LMX1B: variants seen among roughly 807,000 people sequenced by gnomAD.
The protein encoded by LMX1B is LIM homeobox transcription factor 1-beta.
Under a neutral mutation model 51.4 loss-of-function variants are expected in LMX1B, and 12 were observed. The ratio of observed to expected loss-of-function variants is 0.23; its 90% CI spans 0.15 to 0.38. LMX1B has a LOEUF of 0.38. Ranked by LOEUF, LMX1B falls within the 10% of genes least tolerant of loss-of-function variation. LMX1B has a pLI of 1.00. For synonymous variants in LMX1B, 237 were observed against 235.4 expected (o/e 1.01, Z -0.06); for missense variants, 445 against 571.1 (o/e 0.78, Z 2.25).
At chr9:126,630,711 C>T (rs1259746070) in intron 2 of LMX1B, among the ~76,000 whole-genome samples, 3 of 152,166 alleles carry the variant, frequency 2.0e-5, no homozygotes, top group Non-Finnish European at 4.4e-5. Context: ...GAGTACTTTG[C>T]AAATATATAG....
chr9:126,655,799 T>C (rs1240010781), intron 2 of LMX1B, among the ~76,000 whole-genome samples: 1 of 152,238 alleles, frequency 6.6e-6, no homozygotes, highest in African/African-American at 2.4e-5. Flanking sequence ...GTTTTTAGTA[T>C]GCTCACAAAG....
At chr9:126,657,465 G>A (rs972170900) in intron 2 of LMX1B, among the ~76,000 whole-genome samples, 1 of 152,204 alleles carries the variant, frequency 6.6e-6, no homozygotes, top group Non-Finnish European at 1.5e-5. Flanking sequence ...ATGGTGACAT[G>A]TTTCCAGGAT....
intron 2 of LMX1B, among the ~76,000 whole-genome samples, chr9:126,616,363 T>G (rs991569784): frequency 4.6e-5 from 7 of 152,220 alleles, no homozygotes; most frequent in Non-Finnish European, 1.5e-5. Flanking sequence ...GGTTGAGCCC[T>G]TCTTGCTAAC....
chr9:126,640,120 C>T (rs1456844070), intron 2 of LMX1B, among the ~76,000 whole-genome samples: 2 of 152,192 alleles, frequency 1.3e-5, no homozygotes, highest in East Asian at 1.9e-4. Flanking sequence ...GAGAACACCC[C>T]GTTGTATATA....
chr9:126,629,881 C>A (rs185553107), intron 2 of LMX1B, among the ~76,000 whole-genome samples: 19 of 151,832 alleles, frequency 1.3e-4, no homozygotes, highest in African/African-American at 4.6e-4. Context: ...TGTGGTGGCT[C>A]ATGCCTGTAA....
intron 2 of LMX1B, among the ~76,000 whole-genome samples, chr9:126,686,106 CG>C (rs1836761649): frequency 6.6e-6 from 1 of 151,856 alleles, no homozygotes; most frequent in African/African-American, 2.4e-5. Context: ...GGTGAAACCC[CG>C]TCTCTACTAA....
chr9:126,642,644 C>T (rs942490905), intron 2 of LMX1B, among the ~76,000 whole-genome samples: 1 of 152,206 alleles, frequency 6.6e-6, no homozygotes, highest in South Asian at 2.1e-4. Flanking sequence ...TGGGTGTTCC[C>T]GGAGGGTGGG....
chr9:126,618,775 TC>T lies in LMX1B; in HGVS notation c.326+3208del, dbSNP rs1835351385. Among the ~76,000 whole-genome samples, 2 of 152,202 alleles carry T rather than the reference TC, an allele frequency of 1.3e-5. No individual in the cohort carries two copies. On this transcript the variant is annotated intron_variant, in intron 2 of 7. Coordinates refer to ENST00000373474, the MANE Select transcript of LMX1B (RefSeq NM_001174147.2). The surrounding 1 kb of genome is among the most constrained non-coding windows in gnomAD (Gnocchi z 4.5). The stretch of plus-strand genomic sequence containing the variant: ...TTTTTATCCTGAAGAGGTGGAGAAT[TC>T]CTGGAGGAGGCTCCGGAAGGGGGGA...
In LMX1B at chr9:126,625,208, C is replaced by A. The variant is rs535066135; in HGVS notation, c.326+9639C>A. Among the ~76,000 whole-genome samples, 3 of 152,372 alleles carry A rather than the reference C, an allele frequency of 2.0e-5. No individual in the cohort carries two copies. The East Asian group carries it at 5.8e-4, about 29-fold the overall frequency. On this transcript the variant is annotated intron_variant, in intron 2 of 7. Transcript: ENST00000373474. The surrounding 1 kb of genome is among the most constrained non-coding windows in gnomAD (Gnocchi z 5.3). Reference sequence around the variant, plus strand: ...GAAGAGGGGGCTCCGGCCCTGTAGCCCCCTGACGCTTTTCGTTTCCGAGCG... The same window carrying A: ...GAAGAGGGGGCTCCGGCCCTGTAGCACCCTGACGCTTTTCGTTTCCGAGCG...
chr9:126,637,917 A>G (rs1323561855), intron 2 of LMX1B, among the ~76,000 whole-genome samples: 2 of 143,588 alleles, frequency 1.4e-5, no homozygotes, highest in African/African-American at 5.2e-5. Context: ...CTGTAGCCTC[A>G]GGGCCAAAGG....
chr9:126,624,449 G>A (rs1835480692), intron 2 of LMX1B, among the ~76,000 whole-genome samples: 2 of 152,188 alleles, frequency 1.3e-5, no homozygotes, highest in African/African-American at 2.4e-5. Context: ...CAGCAAGTTC[G>A]GGAGGTTTGT....
intron 2 of LMX1B, among the ~76,000 whole-genome samples, chr9:126,681,894 C>G (rs1032956560): frequency 1.3e-5 from 2 of 149,750 alleles, no homozygotes; most frequent in African/African-American, 2.5e-5. Context: ...GAGTGAGACT[C>G]CATCTCAAAA....
chr9:126,637,749 T>C (rs7859156), intron 2 of LMX1B, among the ~76,000 whole-genome samples: 112,040 of 150,106 alleles, frequency 0.75, 42,111 homozygotes, highest in East Asian at 0.98. Flanking sequence ...GGAATTTCCT[T>C]TCACCTCTAT....
chr9:126,630,945 G>A (rs913321444), intron 2 of LMX1B, among the ~76,000 whole-genome samples: 3 of 152,256 alleles, frequency 2.0e-5, no homozygotes, highest in Non-Finnish European at 2.9e-5. Context: ...TTGAAGGGAC[G>A]GCTGTCTGAG....
chr9:126,674,034 C>T (rs1313701833), intron 2 of LMX1B, among the ~76,000 whole-genome samples: 2 of 152,148 alleles, frequency 1.3e-5, no homozygotes, highest in East Asian at 3.8e-4. Context: ...TATGTGCTTC[C>T]TGCCTCATCC....
rs571511429 is a variant in LMX1B, at chr9:126,671,659, T to C, written c.327-19177T>C. 1.5e-3 allele frequency among the ~76,000 whole-genome samples: 223 copies of C among 152,276 alleles called. 1 individual carries two copies. Among genetic ancestry groups the C allele is most frequent in the Non-Finnish European group, 2.7e-3 (184 of 67,998 alleles). ...TTTGAAAGATAGGCGCACCCCGGGA[T>C]GAGAGGTCAGCGGGCCTGCCCTGTG... is the stretch of plus-strand genomic sequence containing the variant. On this transcript the variant is annotated intron_variant, in intron 2 of 7. Transcript: ENST00000373474. The surrounding 1 kb of genome is among the most constrained non-coding windows in gnomAD (Gnocchi z 4.4).
chr9:126,651,314 A>G (rs1389594161), intron 2 of LMX1B, among the ~76,000 whole-genome samples: 1 of 151,534 alleles, frequency 6.6e-6, no homozygotes, highest in Non-Finnish European at 1.5e-5. Context: ...GGTGGCTCCA[A>G]GCTGCCCCGG....
intron 2 of LMX1B, among the ~76,000 whole-genome samples, chr9:126,680,109 C>T (rs1482994921): frequency 2.0e-5 from 3 of 152,242 alleles, no homozygotes; most frequent in African/African-American, 7.2e-5. Flanking sequence ...CGTGCGTTGT[C>T]AGCCCTCTGG....
intron 2 of LMX1B, among the ~76,000 whole-genome samples, chr9:126,669,252 G>A (rs1836404143): frequency 2.6e-5 from 4 of 151,924 alleles, no homozygotes; most frequent in Admixed American, 2.0e-4. Flanking sequence ...GAGGAGGGTG[G>A]AGACAGGGAT....
Sources: gnomAD v4.1 joint callset for allele counts (sites outside exome capture counted in the v4.1 genomes callset) on GRCh38, gnomAD v4.1.1 for gene constraint, Gnocchi (gnomAD v3.1) non-coding constraint, MANE v1.5 for transcripts, NCBI Gene and HGNC (gene_info 2026-07-23, HGNC 2026-07-21) for gene names.